TRIO: variants seen among roughly 807,000 people sequenced by gnomAD.
TRIO encodes triple functional domain protein.
A neutral mutation model predicts 351.9 loss-of-function variants in TRIO; 58 were observed. The observed-to-expected ratio is 0.16, with a 90% CI of 0.13 to 0.21. The LOEUF is 0.21. Among genes scored for constraint, TRIO ranks in the 10% least tolerant of loss-of-function variants. TRIO has a pLI of 1.00. For missense variants in TRIO, 3,201 were observed against 4,027.8 expected (o/e 0.79, Z 5.56); for synonymous variants, 1,758 against 1,595.7 (o/e 1.10, Z -2.42).
At chr5:14,167,345 C>A (rs1788828564) in intron 1 of TRIO, among the ~76,000 whole-genome samples, 1 of 151,914 alleles carries the variant, frequency 6.6e-6, no homozygotes, top group Non-Finnish European at 1.5e-5. Context: ...TCCCCATTTC[C>A]ATACTTCACT....
At chr5:14,299,564 G>C (rs1737677249) in intron 7 of TRIO, among the ~76,000 whole-genome samples, 1 of 152,190 alleles carries the variant, frequency 6.6e-6, no homozygotes, top group Non-Finnish European at 1.5e-5. Context: ...TAAGATCCTT[G>C]AAATTCTGAT....
intron 8 of TRIO, among the ~76,000 whole-genome samples, chr5:14,314,382 G>A (rs1739196373): frequency 6.6e-6 from 1 of 152,138 alleles, no homozygotes; most frequent in Non-Finnish European, 1.5e-5. Context: ...TCAGATGCTG[G>A]TCATATATAT....
intron 27 of TRIO, among the ~76,000 whole-genome samples, chr5:14,393,026 G>A (rs1223036334): frequency 2.7e-5 from 4 of 149,006 alleles, no homozygotes; most frequent in Non-Finnish European, 5.9e-5. Flanking sequence ...CAGTCTGGGC[G>A]ACAGAGCGAG....
Position 14,368,780 on chromosome 5 carries a change from G to C in TRIO, c.2947G>C (p.Asp983His). ...AMLQANHYDM[D>H]MIRDCAEKVA... ...GCTACAGGCCAACCACTACGACATG[G>C]ACATGATCCGGGACTGCGCCGAGAA... Residue 983 changes from aspartate to histidine, a missense_variant, in exon 17 of 57, where the codon GAC becomes CAC. By Grantham distance (81) the Asp-to-His change is moderately conservative. Coordinates refer to ENST00000344204, the MANE Select transcript of TRIO (RefSeq NM_007118.4). The C allele has an allele frequency of 6.2e-7, 1 of 1,614,080 alleles. No individual in the cohort carries two copies. The highest frequency in any genetic ancestry group is 1.7e-5 in the Admixed American group (1 of 60,020).
chr5:14,248,482 T>A (rs1003148354), intron 1 of TRIO, among the ~76,000 whole-genome samples: 12 of 152,232 alleles, frequency 7.9e-5, no homozygotes, highest in Non-Finnish European at 1.6e-4. Context: ...TTATGTTGAC[T>A]GTGTGGATTA....
At chr5:14,186,371 C>A (rs969037909) in intron 1 of TRIO, among the ~76,000 whole-genome samples, 1 of 152,160 alleles carries the variant, frequency 6.6e-6, no homozygotes, top group African/African-American at 2.4e-5. Flanking sequence ...GATAGTTTTT[C>A]CACTTTGTTC....
At chr5:14,182,651 C>T (rs1789858736) in intron 1 of TRIO, among the ~76,000 whole-genome samples, 1 of 152,166 alleles carries the variant, frequency 6.6e-6, no homozygotes, top group Admixed American at 6.5e-5. Flanking sequence ...ATTACACTTG[C>T]TGTACTTTTT....
chr5:14,470,842 T>C (rs2126547949), intron 37 of TRIO, among the ~76,000 whole-genome samples: 1 of 152,338 alleles, frequency 6.6e-6, no homozygotes, highest in African/African-American at 2.4e-5. Context: ...CAAACCAAGT[T>C]TGTTGGATTG....
chr5:14,306,898 A>G (rs1430102581), intron 8 of TRIO, among the ~76,000 whole-genome samples: 1 of 152,194 alleles, frequency 6.6e-6, no homozygotes, highest in Non-Finnish European at 1.5e-5. Flanking sequence ...TATTTGATTT[A>G]CATTGGTACC....
chr5:14,149,337 G>A (rs1457588923), intron 1 of TRIO, among the ~76,000 whole-genome samples: 1 of 152,148 alleles, frequency 6.6e-6, no homozygotes, highest in Non-Finnish European at 1.5e-5. Flanking sequence ...TTGCTTTTGG[G>A]GAATCTTGCT....
intron 48 of TRIO, chr5:14,488,618 C>T (rs568363105): frequency 6.6e-4 from 330 of 498,246 alleles, no homozygotes; most frequent in Non-Finnish European, 1.1e-3. Context: ...CTCTCTACCT[C>T]CTGTTTAAAT....
intron 37 of TRIO, among the ~76,000 whole-genome samples, 174 bp from the exon 38 acceptor site, chr5:14,471,144 T>A (rs1754652594): frequency 6.6e-6 from 1 of 152,254 alleles, no homozygotes; most frequent in Admixed American, 6.5e-5. Context: ...TCTATTTTTT[T>A]ATTAATAGTT....
At position 14,461,424 on chromosome 5, in the gene TRIO, A is replaced by C. The variant is rs867657075; in HGVS notation, c.5496+113A>C. 3.4e-5 allele frequency: 46 copies of C among 1,347,244 alleles called. No homozygotes were observed. In the Middle Eastern group the frequency reaches 2.6e-3, roughly 76 times the overall value. The allele number at this position is 1,347,244 out of a possible 1,614,324, so 83.5% of individuals were successfully genotyped here. A position where few individuals can be genotyped will look rare whatever the true frequency, so the allele number is the denominator to read the frequency against. On this transcript the variant is annotated intron_variant, in intron 35 of 56. Coordinates refer to ENST00000344204, the MANE Select transcript of TRIO (RefSeq NM_007118.4). ...TGGTTTGGTTCTGTTTTCCGCACTT[A>C]CTCAGAAATTACCATTCAAGTCTCT...
Position 14,406,586 on chromosome 5 carries a change from C to G in TRIO, c.4873C>G (p.Leu1625Val). 3 of 1,614,072 alleles carry G rather than the reference C, an allele frequency of 1.9e-6. No homozygotes were observed. Among genetic ancestry groups the G allele is most frequent in the Non-Finnish European group, 1.7e-6 (2 of 1,179,970 alleles). The change falls in exon 33 of 57, where the codon CTG becomes GTG. Residue 1625 changes from leucine (L) to valine (V), a missense_variant. By Grantham distance (32) the Leu-to-Val change is conservative (BLOSUM62 1). Transcript: ENST00000344204. ...RQKGRRDGED[L>V]DSQGDGSSQP... The stretch of plus-strand genomic sequence containing the variant: ...TTGCACCGCCAGGGATGGAGAGGAT[C>G]TGGACAGCCAAGGAGACGGCAGCAG...
At chr5:14,276,668 A>G (rs747610231) in intron 2 of TRIO, among the ~76,000 whole-genome samples, 3 of 152,234 alleles carry the variant, frequency 2.0e-5, no homozygotes, top group Non-Finnish European at 4.4e-5. Context: ...AACAAGCGCT[A>G]TGGAGAGAAA....
chr5:14,295,874 G>A (rs1273663474), intron 6 of TRIO, among the ~76,000 whole-genome samples: 2 of 152,232 alleles, frequency 1.3e-5, no homozygotes, highest in East Asian at 1.9e-4. Flanking sequence ...TTCAGATGCA[G>A]CCCGGAGATG....
chr5:14,498,049 C>T lies in TRIO; in HGVS notation c.8048-40C>T, dbSNP rs367660841. The T allele has an allele frequency of 1.1e-3, 1,734 of 1,613,486 alleles. 4 individuals are homozygous for T. The highest frequency in any genetic ancestry group is 1.4e-3 in the South Asian group (125 of 91,038). On this transcript the variant is annotated intron_variant, in intron 51 of 56. Coordinates refer to ENST00000344204, the MANE Select transcript of TRIO (RefSeq NM_007118.4). ...CATGTGGGTGGGTGTGGAGGAGGAG[C>T]CAGGGCTGATGGGCCTTTACCGACT...
intron 6 of TRIO, among the ~76,000 whole-genome samples, chr5:14,296,686 C>T (rs1004691578): frequency 3.3e-5 from 5 of 152,138 alleles, no homozygotes; most frequent in Non-Finnish European, 5.9e-5. Context: ...AAAACCAGAG[C>T]GCTGGGTCCC....
At chr5:14,213,109 T>G (rs1056034647) in intron 1 of TRIO, among the ~76,000 whole-genome samples, 2 of 152,160 alleles carry the variant, frequency 1.3e-5, no homozygotes, top group African/African-American at 4.8e-5. Flanking sequence ...CAAACAACCT[T>G]GCAAACACTG....
Sources: allele counts gnomAD v4.1 joint callset (sites outside exome capture counted in the v4.1 genomes callset), GRCh38; gene constraint gnomAD v4.1.1; transcripts MANE v1.5; gene names NCBI Gene and HGNC (gene_info 2026-07-23, HGNC 2026-07-21).